Variants in SPAG16 observed in about 807,000 individuals in gnomAD.
SPAG16 encodes the protein sperm-associated antigen 16 protein.
A neutral mutation model predicts 80.4 loss-of-function variants in SPAG16; 86 were observed. That is an observed-to-expected ratio of 1.07 (90% CI 0.90 to 1.28). The LOEUF is 1.28. Ranked by LOEUF, SPAG16 falls within the 50% of genes most tolerant of loss-of-function variation. The pLI is 0.00. For missense variants in SPAG16, 870 were observed against 765.3 expected (o/e 1.14, Z -1.61); for synonymous variants, 294 against 265.9 (o/e 1.11, Z -1.03).
chr2:214,273,678 A>G (rs888749571), intron 15 of SPAG16, among the ~76,000 whole-genome samples: 1 of 152,126 alleles, frequency 6.6e-6, no homozygotes, highest in Non-Finnish European at 1.5e-5. Context: ...TACCAGTACC[A>G]TGCTGTTTTG....
chr2:214,054,984 C>T (rs1371926983), intron 13 of SPAG16, among the ~76,000 whole-genome samples: 2 of 152,126 alleles, frequency 1.3e-5, no homozygotes, highest in Non-Finnish European at 2.9e-5. Context: ...TATAAAATAT[C>T]TCTAGGGATT....
chr2:213,965,222 C>G (rs1464963132), intron 12 of SPAG16, among the ~76,000 whole-genome samples: 1 of 152,152 alleles, frequency 6.6e-6, no homozygotes, highest in African/African-American at 2.4e-5. Flanking sequence ...AATCTCTCCC[C>G]CAAATGACAG....
chr2:214,274,769 T>C (rs1035766033), intron 15 of SPAG16, among the ~76,000 whole-genome samples: 4 of 152,212 alleles, frequency 2.6e-5, no homozygotes, highest in Non-Finnish European at 4.4e-5. Flanking sequence ...TTTTTTGTTG[T>C]GTCTCTGCCA....
At chr2:213,948,333 TAAAAC>T (rs2079561357) in intron 12 of SPAG16, among the ~76,000 whole-genome samples, 3 of 152,126 alleles carry the variant, frequency 2.0e-5, no homozygotes, top group Admixed American at 6.5e-5. Flanking sequence ...ATTTAAAAAT[TAAAAC>T]AAGCAATAAA....
At chr2:213,690,760 C>T (rs1212383317) in intron 10 of SPAG16, among the ~76,000 whole-genome samples, 1 of 152,074 alleles carries the variant, frequency 6.6e-6, no homozygotes, top group Non-Finnish European at 1.5e-5. Context: ...CTCCTCGTGC[C>T]CTTGGATATT....
chr2:213,799,334 G>C (rs1348770838), intron 10 of SPAG16, among the ~76,000 whole-genome samples: 1 of 151,846 alleles, frequency 6.6e-6, no homozygotes, highest in Admixed American at 6.6e-5. Flanking sequence ...GGAATCTATT[G>C]TGGATGGAAT....
At chr2:213,838,727 C>G (rs1295304662) in intron 10 of SPAG16, among the ~76,000 whole-genome samples, 1 of 152,204 alleles carries the variant, frequency 6.6e-6, no homozygotes. Context: ...AGCTGATTGG[C>G]TGTTTCAAAA....
intron 10 of SPAG16, among the ~76,000 whole-genome samples, chr2:213,562,366 T>G (rs150585310): frequency 0.01 from 1,581 of 152,346 alleles, 14 homozygotes; most frequent in Non-Finnish European, 0.015. Flanking sequence ...ATAGAACAGT[T>G]CATGTTATCT....
chr2:213,424,262 GT>G (rs2069771166), intron 9 of SPAG16, among the ~76,000 whole-genome samples: 1 of 152,130 alleles, frequency 6.6e-6, no homozygotes, highest in Non-Finnish European at 1.5e-5. Flanking sequence ...TCATAAAGTA[GT>G]TTAGTCAAAA....
chr2:213,708,679 T>C (rs747567931), intron 10 of SPAG16, among the ~76,000 whole-genome samples: 5 of 152,114 alleles, frequency 3.3e-5, no homozygotes, highest in Non-Finnish European at 5.9e-5. Flanking sequence ...GCAGGTGTTA[T>C]GGCACACACC....
At chr2:213,347,222 G>A (rs1222423781) in intron 6 of SPAG16, among the ~76,000 whole-genome samples, 5 of 151,900 alleles carry the variant, frequency 3.3e-5, no homozygotes, top group Admixed American at 2.6e-4. Flanking sequence ...CTGTGGGATC[G>A]GTGGTGATAT....
At chr2:213,574,110 G>T (rs1277593029) in intron 10 of SPAG16, among the ~76,000 whole-genome samples, 1 of 152,140 alleles carries the variant, frequency 6.6e-6, no homozygotes, top group Non-Finnish European at 1.5e-5. Flanking sequence ...CAGTAAAACT[G>T]TATTTTAGCA....
At chr2:214,156,053 G>A (rs2056201402) in intron 15 of SPAG16, among the ~76,000 whole-genome samples, 1 of 152,172 alleles carries the variant, frequency 6.6e-6, no homozygotes, top group South Asian at 2.1e-4. Context: ...TGATTCATTT[G>A]CTATGAATAT....
At chr2:214,238,414 T>C (rs1689224335) in intron 15 of SPAG16, 1 of 164,472 alleles carries the variant, frequency 6.1e-6, no homozygotes, top group Admixed American at 6.2e-5. Flanking sequence ...TCAAGATCAT[T>C]TTGTGAATTA....
At chr2:213,347,199 G>A (rs560951732) in intron 6 of SPAG16, among the ~76,000 whole-genome samples, 43 of 152,200 alleles carry the variant, frequency 2.8e-4, no homozygotes, top group Non-Finnish European at 5.9e-5. Context: ...TTCTCTGATG[G>A]TAGTTTGTAT....
rs749957411 is a variant in SPAG16 at position 213,976,135 on chromosome 2, T to TATATATATACACACACACAC, written c.1401-37815_1401-37814insTATATATACACACACACACA. Among the ~76,000 whole-genome samples, 386 of 81,302 alleles carry TATATATATACACACACACAC rather than the reference T, an allele frequency of 4.7e-3. 3 individuals are homozygous for TATATATATACACACACACAC. Among genetic ancestry groups the TATATATATACACACACACAC allele is most frequent in the African/African-American group, 0.014 (356 of 26,340 alleles). The allele number at this position is 81,302 out of a possible 152,430, so 53.3% of individuals were successfully genotyped here. On this transcript the variant is annotated intron_variant, in intron 12 of 15. Coordinates refer to ENST00000331683, the MANE Select transcript of SPAG16 (RefSeq NM_024532.5). ...ATATATATATATATATATATATATATACACACACACACACACACACGTATG... is the reference window on the plus strand; with the variant it reads ...ATATATATATATATATATATATATATATATATATACACACACACACACACACACACACACACACACGTATG...
At chr2:213,793,193 G>T (rs2070813708) in intron 10 of SPAG16, among the ~76,000 whole-genome samples, 1 of 151,936 alleles carries the variant, frequency 6.6e-6, no homozygotes, top group South Asian at 2.1e-4. Flanking sequence ...CTCTCAAAGT[G>T]CTGGGATTAC....
At chr2:213,420,343 T>C (rs907686068) in intron 9 of SPAG16, among the ~76,000 whole-genome samples, 14 of 152,238 alleles carry the variant, frequency 9.2e-5, no homozygotes, top group Admixed American at 2.6e-4. Flanking sequence ...GCTTATACTT[T>C]ATATGTTGCA....
chr2:213,717,155 C>CT lies in SPAG16; in HGVS notation c.1071-145330_1071-145329insT, dbSNP rs1339762204. On this transcript the variant is annotated intron_variant, in intron 10 of 15. Coordinates refer to ENST00000331683, the MANE Select transcript of SPAG16 (RefSeq NM_024532.5). ...TCAACTGTGAAAAGCAGAAACTTTT[C>CT]ATTTTTTTTTTTTTTTTTGAGACGG... is the stretch of plus-strand genomic sequence containing the variant. Among the ~76,000 whole-genome samples the CT allele has an allele frequency of 6.6e-3, 917 of 139,204 alleles. 30 individuals are homozygous for CT. Among genetic ancestry groups the CT allele is most frequent in the South Asian group, 0.026 (114 of 4,350 alleles). The allele number at this position is 139,204 out of a possible 152,430, so 91.3% of individuals were successfully genotyped here. A position where few individuals can be genotyped will look rare whatever the true frequency, so the allele number is the denominator to read the frequency against.
Sources: gnomAD v4.1 joint callset for allele counts (sites outside exome capture counted in the v4.1 genomes callset) on GRCh38, gnomAD v4.1.1 for gene constraint, MANE v1.5 for transcripts, NCBI Gene and HGNC (gene_info 2026-07-23, HGNC 2026-07-21) for gene names.